Variants in PDE8B observed in about 807,000 individuals in gnomAD.
The protein encoded by PDE8B is phosphodiesterase 8B.
In PDE8B, 26 loss-of-function variants were observed where a neutral mutation model predicts 101.3. The ratio of observed to expected loss-of-function variants is 0.26; its 90% CI spans 0.19 to 0.36. The LOEUF is 0.36. PDE8B is among the 10% of genes least tolerant of loss of function. The pLI is 1.00. For missense variants in PDE8B, 810 were observed against 1,163.1 expected, an observed-to-expected ratio of 0.70 and a Z score of 4.42; for synonymous variants, 424 against 429.3, an observed-to-expected ratio of 0.99 and a Z score of 0.15.
chr5:77,171,195 C>T, the PDE8B span, among the ~76,000 whole-genome samples: 11 of 152,288 alleles, frequency 7.2e-5, no homozygotes, highest in East Asian at 2.1e-3. Flanking sequence ...TTAACAGAAA[C>T]AAGCATTGGG....
intron 2 of PDE8B, among the ~76,000 whole-genome samples, chr5:77,318,276 T>G (rs1774280618): frequency 6.6e-6 from 1 of 152,192 alleles, no homozygotes; most frequent in Non-Finnish European, 1.5e-5. Flanking sequence ...TTTCTTTTGC[T>G]GTCTGTCCTT....
chr5:77,415,856 T>G (rs1795424461), intron 17 of PDE8B, among the ~76,000 whole-genome samples: 1 of 152,176 alleles, frequency 6.6e-6, no homozygotes, highest in Non-Finnish European at 1.5e-5. Context: ...TACATGAATA[T>G]TTATCCTGAA....
chr5:77,186,304 C>G, the PDE8B span, among the ~76,000 whole-genome samples: 2 of 152,220 alleles, frequency 1.3e-5, no homozygotes, highest in African/African-American at 2.4e-5. Context: ...TTAGATCGTA[C>G]AGCCAAAAGG....
At chr5:77,246,769 G>A (rs1757039019) in intron 1 of PDE8B, 1 of 152,188 alleles carries the variant, frequency 6.6e-6, no homozygotes, top group South Asian at 2.1e-4. Context: ...GCAGGTTGGA[G>A]AAGCTGTGAG....
the PDE8B span, among the ~76,000 whole-genome samples, chr5:77,169,946 G>A: frequency 3.9e-5 from 6 of 152,094 alleles, no homozygotes; most frequent in South Asian, 2.1e-4. Flanking sequence ...CTTGAAACAC[G>A]GCTCTATCTC....
the PDE8B span, among the ~76,000 whole-genome samples, chr5:77,191,984 A>G: frequency 6.6e-6 from 1 of 152,188 alleles, no homozygotes; most frequent in Non-Finnish European, 1.5e-5. Flanking sequence ...TTGCATACGC[A>G]GTTCACAGTA....
chr5:77,417,447 G>A (rs189653830), intron 17 of PDE8B, among the ~76,000 whole-genome samples: 1 of 152,280 alleles, frequency 6.6e-6, no homozygotes, highest in East Asian at 1.9e-4. Context: ...GGCAGCTCTG[G>A]CACTATGCAG....
At chr5:77,129,019 CAT>C in the PDE8B span, among the ~76,000 whole-genome samples, 1 of 152,184 alleles carries the variant, frequency 6.6e-6, no homozygotes, top group Non-Finnish European at 1.5e-5. Flanking sequence ...TAGGTTTGAA[CAT>C]AGTTTTCAGT....
chr5:77,169,336 A>T, the PDE8B span, among the ~76,000 whole-genome samples: 1 of 152,336 alleles, frequency 6.6e-6, no homozygotes, highest in South Asian at 2.1e-4. Flanking sequence ...CATAAAGCCT[A>T]GAACGGTGCT....
intron 10 of PDE8B, among the ~76,000 whole-genome samples, chr5:77,399,424 G>A (rs1791762691): frequency 6.6e-6 from 1 of 152,210 alleles, no homozygotes; most frequent in Non-Finnish European, 1.5e-5. Flanking sequence ...ACACTCATCT[G>A]TCTTATTTTT....
chr5:77,412,120 C>G lies in PDE8B; in HGVS notation c.1597C>G (p.His533Asp). ...FTKNVHQSHSHLAMPITINDV... is the reference protein window; with the variant it reads ...FTKNVHQSHSDLAMPITINDV... ...CTCAGATGTGCACCAGAGTCACAGT[C>G]ACCTTGCAATGCCAATAACCATCAA... is the stretch of plus-strand genomic sequence containing the variant. Residue 533 changes from histidine (H) to aspartate (D), a missense_variant, in exon 16 of 22, where the codon CAC becomes GAC. His to Asp is a moderately conservative substitution (Grantham distance 81). Transcript: ENST00000264917. 1 of 1,614,102 alleles carries G rather than the reference C, an allele frequency of 6.2e-7. No individual in the cohort carries two copies. The highest frequency in any genetic ancestry group is 8.5e-7 in the Non-Finnish European group (1 of 1,179,962).
chr5:77,393,122 A>G (rs1790281977), intron 10 of PDE8B, among the ~76,000 whole-genome samples: 1 of 152,200 alleles, frequency 6.6e-6, no homozygotes, highest in Admixed American at 6.5e-5. Context: ...GTCCAGTTAC[A>G]GTGGCTCACG....
the PDE8B span, among the ~76,000 whole-genome samples, chr5:77,203,345 A>C: frequency 6.6e-6 from 1 of 152,156 alleles, no homozygotes; most frequent in Non-Finnish European, 1.5e-5. Context: ...CTGGGCTTGG[A>C]TTAATTTTTC....
chr5:77,266,534 T>C (rs1159110897), intron 1 of PDE8B, among the ~76,000 whole-genome samples: 1 of 152,198 alleles, frequency 6.6e-6, no homozygotes, highest in Non-Finnish European at 1.5e-5. Context: ...GGTGCTGTTG[T>C]CCATGAGTCC....
chr5:77,374,496 T>C (rs1785682668), intron 10 of PDE8B, among the ~76,000 whole-genome samples: 1 of 152,146 alleles, frequency 6.6e-6, no homozygotes, highest in East Asian at 1.9e-4. Context: ...ATTTATCCAT[T>C]GGTTTTTTAG....
At chr5:77,288,497 G>T (rs1766532742) in intron 1 of PDE8B, among the ~76,000 whole-genome samples, 1 of 152,080 alleles carries the variant, frequency 6.6e-6, no homozygotes, top group Non-Finnish European at 1.5e-5. Flanking sequence ...ATTCTTATTG[G>T]AGAGTCGGCC....
At chr5:77,261,774 A>T (rs1760640059) in intron 1 of PDE8B, among the ~76,000 whole-genome samples, 2 of 152,136 alleles carry the variant, frequency 1.3e-5, no homozygotes, top group Admixed American at 6.6e-5. Flanking sequence ...TGTGCTTCTA[A>T]ATCCCAATGG....
chr5:77,308,122 C>T (rs1163906361), intron 1 of PDE8B, among the ~76,000 whole-genome samples: 4 of 152,224 alleles, frequency 2.6e-5, no homozygotes, highest in African/African-American at 4.8e-5. Context: ...TGTGAATACA[C>T]CTGCTACAGG....
At chr5:77,165,022 G>T in the PDE8B span, among the ~76,000 whole-genome samples, 1 of 152,112 alleles carries the variant, frequency 6.6e-6, no homozygotes, top group African/African-American at 2.4e-5. Flanking sequence ...AGTAAATAAA[G>T]CCCTGATTTA....
Sources: gnomAD v4.1 joint callset for allele counts (sites outside exome capture counted in the v4.1 genomes callset) on GRCh38, gnomAD v4.1.1 for gene constraint, MANE v1.5 for transcripts, NCBI Gene and HGNC (gene_info 2026-07-23, HGNC 2026-07-21) for gene names.